The following HMGCLL1 variants were observed in gnomAD, a reference collection of about 807,000 sequenced individuals.
The protein encoded by HMGCLL1 is 3-hydroxymethyl-3-methylglutaryl-CoA lyase, cytoplasmic.
A neutral mutation model predicts 39.1 loss-of-function variants in HMGCLL1; 36 were observed. That is an observed-to-expected ratio of 0.92 (90% confidence interval 0.71 to 1.22). HMGCLL1 has a LOEUF of 1.22. HMGCLL1 is among the 50% of genes most tolerant of loss of function. The probability of loss-of-function intolerance (pLI) is 0.00; values close to 1 mark genes in which losing one functional copy is unlikely to be tolerated. For missense variants in HMGCLL1, 451 were observed against 416.5 expected, an observed-to-expected ratio of 1.08 and a Z score of -0.72; for synonymous variants, 149 against 144.0, an observed-to-expected ratio of 1.03 and a Z score of -0.25.
the HMGCLL1 span, among the ~76,000 whole-genome samples, chr6:55,640,622 A>T: frequency 1.6e-4 from 24 of 151,930 alleles, no homozygotes; most frequent in African/African-American, 4.6e-4. Context: ...TTGAGAAAAG[A>T]GAAAGCCCTT....
the HMGCLL1 span, among the ~76,000 whole-genome samples, chr6:55,601,932 G>C: frequency 2.0e-5 from 3 of 151,984 alleles, no homozygotes; most frequent in African/African-American, 4.8e-5. Flanking sequence ...CTTGTTTTCA[G>C]TCTAAACAAA....
At chr6:55,537,813 G>A (rs1769117366) in intron 3 of HMGCLL1, among the ~76,000 whole-genome samples, 1 of 152,188 alleles carries the variant, frequency 6.6e-6, no homozygotes, top group Non-Finnish European at 1.5e-5. Context: ...CTATGTGGGG[G>A]AATTCAGGCA....
At chr6:55,591,131 C>T in the HMGCLL1 span, among the ~76,000 whole-genome samples, 1 of 151,936 alleles carries the variant, frequency 6.6e-6, no homozygotes, top group Non-Finnish European at 1.5e-5. Flanking sequence ...GAAACCCTTG[C>T]TCAGAGATGT....
At chr6:55,501,049 A>G (rs2127427723) in intron 5 of HMGCLL1, among the ~76,000 whole-genome samples, 1 of 152,016 alleles carries the variant, frequency 6.6e-6, no homozygotes, top group East Asian at 1.9e-4. Flanking sequence ...TTATGTGGGC[A>G]TTTTTATTTA....
chr6:55,652,724 A>G, the HMGCLL1 span, among the ~76,000 whole-genome samples: 3 of 152,102 alleles, frequency 2.0e-5, no homozygotes, highest in African/African-American at 7.2e-5. Flanking sequence ...CACAAGTCAC[A>G]TGCAAATCAA....
intron 1 of HMGCLL1, among the ~76,000 whole-genome samples, chr6:55,571,728 GAACCC>G (rs1170387117): frequency 6.6e-6 from 1 of 152,096 alleles, no homozygotes; most frequent in Non-Finnish European, 1.5e-5. Context: ...AGAACTGCAT[GAACCC>G]AGGAGACAGA....
At chr6:55,669,840 C>T in the HMGCLL1 span, among the ~76,000 whole-genome samples, 2 of 151,708 alleles carry the variant, frequency 1.3e-5, no homozygotes, top group African/African-American at 4.8e-5. Flanking sequence ...AAAAAATGAA[C>T]AGAGCCTCAA....
At chr6:55,504,603 C>T (rs1289744913) in intron 5 of HMGCLL1, among the ~76,000 whole-genome samples, 2 of 151,564 alleles carry the variant, frequency 1.3e-5, no homozygotes, top group Non-Finnish European at 3.0e-5. Context: ...CTCTAGATTA[C>T]TTATAATACC....
At chr6:55,526,344 C>T (rs1768320726) in intron 3 of HMGCLL1, among the ~76,000 whole-genome samples, 1 of 151,938 alleles carries the variant, frequency 6.6e-6, no homozygotes, top group Non-Finnish European at 1.5e-5. Flanking sequence ...TCAAAAATTC[C>T]TCTTACATGA....
intron 7 of HMGCLL1, among the ~76,000 whole-genome samples, chr6:55,476,648 C>T (rs1765299167): frequency 6.6e-6 from 1 of 151,504 alleles, no homozygotes. Context: ...GATTTTTCTT[C>T]TTTATTAATG....
the HMGCLL1 span, among the ~76,000 whole-genome samples, chr6:55,617,797 AATGCACAT>A: frequency 6.6e-6 from 1 of 152,042 alleles, no homozygotes; most frequent in Non-Finnish European, 1.5e-5. Flanking sequence ...TAGGGAAACA[AATGCACAT>A]ATGCCCAAGA....
chr6:55,469,745 TATGTC>T (rs992875867), intron 7 of HMGCLL1, among the ~76,000 whole-genome samples: 5 of 151,748 alleles, frequency 3.3e-5, no homozygotes, highest in Admixed American at 6.6e-5. Flanking sequence ...GGGGGCTTCT[TATGTC>T]ATGGGGTTGA....
intron 4 of HMGCLL1, 98 bp downstream of exon 4, chr6:55,516,410 A>G: frequency 1.5e-6 from 1 of 681,666 alleles, no homozygotes. Context: ...TAGTATTTGT[A>G]TTACAGATGA....
intron 7 of HMGCLL1, among the ~76,000 whole-genome samples, chr6:55,471,572 A>T (rs548761652): frequency 6.6e-6 from 1 of 151,868 alleles, no homozygotes; most frequent in African/African-American, 2.4e-5. Flanking sequence ...ACATGAAATC[A>T]CATTTAAATT....
rs201567160 is a variant in HMGCLL1, at chr6:55,541,780, G to A, written c.246C>T (p.Gly82=). ...AGCTAGTCACTTCTATTACAGACAA[G>A]CCAGTTTGGGAAAGTCGATTGATAA... ...IEFINRLSQT[G]LSVIEVTSFV... The change falls in exon 3 of 9, where the codon GGC becomes GGT. Residue 82 remains glycine (G), a synonymous_variant. Coordinates refer to ENST00000274901, the MANE Select transcript of HMGCLL1 (RefSeq NM_001042406.2). 6.2e-7 allele frequency: 1 copy of A among 1,610,082 alleles called. No homozygotes were observed. Among genetic ancestry groups the A allele is most frequent in the South Asian group, 1.1e-5 (1 of 90,454 alleles).
At chr6:55,562,261 A>G (rs1229931208) in intron 1 of HMGCLL1, among the ~76,000 whole-genome samples, 1 of 152,190 alleles carries the variant, frequency 6.6e-6, no homozygotes, top group Non-Finnish European at 1.5e-5. Context: ...TTTGATAAAC[A>G]TTACATACTA....
chr6:55,613,440 C>A, the HMGCLL1 span, among the ~76,000 whole-genome samples: 2 of 152,124 alleles, frequency 1.3e-5, no homozygotes, highest in Non-Finnish European at 2.9e-5. Flanking sequence ...AATCCCATTA[C>A]TGGCTATATA....
chr6:55,642,163 G>T, the HMGCLL1 span, among the ~76,000 whole-genome samples: 4 of 137,800 alleles, frequency 2.9e-5, no homozygotes, highest in African/African-American at 5.4e-5. Context: ...GCGGTGTTTG[G>T]TTTTTTGTTC....
chr6:55,441,614 C>G (rs1009692340), intron 7 of HMGCLL1, among the ~76,000 whole-genome samples: 1 of 152,048 alleles, frequency 6.6e-6, no homozygotes, highest in Non-Finnish European at 1.5e-5. Context: ...CATTAGTAGT[C>G]AGGTATCCTT....
Sources: gnomAD v4.1 joint callset for allele counts (sites outside exome capture counted in the v4.1 genomes callset) on GRCh38, gnomAD v4.1.1 for gene constraint, MANE v1.5 for transcripts, NCBI Gene and HGNC (gene_info 2026-07-23, HGNC 2026-07-21) for gene names.